ATP10A: variants seen among roughly 807,000 people sequenced by gnomAD.
ATP10A encodes phospholipid-transporting ATPase VA.
ATP10A carries 111 observed loss-of-function variants against 147.8 expected under a neutral mutation model. The ratio of observed to expected loss-of-function variants is 0.75; its 90% CI spans 0.64 to 0.88. The LOEUF (loss-of-function observed/expected upper bound fraction) is 0.88, where lower values mean the gene tolerates loss of function less well. Among genes scored for constraint, ATP10A ranks in the 40% least tolerant of loss-of-function variants. The pLI, the probability that ATP10A is intolerant of heterozygous loss-of-function variation, is 0.00. For missense variants in ATP10A, 1,927 were observed against 1,959.0 expected (o/e 0.98, Z 0.31); for synonymous variants, 875 against 841.6 (o/e 1.04, Z -0.69).
In ATP10A at chr15:25,708,398, C is replaced by A. The variant is rs544235339; in HGVS notation, c.2345-98G>T. On this transcript the variant is annotated intron_variant, in intron 10 of 20. Transcript: ENST00000555815. ...TTACCCCACGTCTGTTCGTTACTTG[C>A]GAATAGAGCACAAATTTTCATATAG... The A allele has an allele frequency of 2.9e-5, 29 of 998,826 alleles. No individual in the cohort carries two copies. In the African/African-American group the frequency reaches 4.0e-4, roughly 14 times the overall value. The allele number at this position is 998,826 out of a possible 1,614,324, so 61.9% of individuals were successfully genotyped here. A position where few individuals can be genotyped will look rare whatever the true frequency, so the allele number is the denominator to read the frequency against.
downstream of ATP10A, among the ~76,000 whole-genome samples, chr15:25,676,810 C>T (rs1225495309): frequency 6.6e-6 from 1 of 152,028 alleles, no homozygotes; most frequent in Non-Finnish European, 1.5e-5. Flanking sequence ...TATCTTTATA[C>T]TTCACATGCC....
At chr15:25,863,621 G>A (rs549056035), upstream of ATP10A, 12 of 152,606 alleles carry the variant, frequency 7.9e-5, no homozygotes, top group East Asian at 2.1e-3. Context: ...CGCCCTTCCA[G>A]GGGCCAGACC....
chr15:25,835,581 A>T (rs1276146273), intron 1 of ATP10A, among the ~76,000 whole-genome samples: 1 of 152,142 alleles, frequency 6.6e-6, no homozygotes, highest in Non-Finnish European at 1.5e-5. Context: ...AAGGCCGGCC[A>T]TAGGAAACTT....
In ATP10A at chr15:25,716,940, G is replaced by A; in HGVS notation, c.1582-16C>T. 6.5e-7 allele frequency: 1 copy of A among 1,543,666 alleles called. No homozygotes were observed. The highest frequency in any genetic ancestry group is 1.2e-5 in the South Asian group (1 of 80,306). On this transcript the variant is annotated splice_polypyrimidine_tract_variant and intron_variant, in intron 8 of 20. Coordinates refer to ENST00000555815, the MANE Select transcript of ATP10A (RefSeq NM_024490.4). ...TATCCTTCTCCTGGGAGAAAGGGAG[G>A]CTGGCAGTGAGTCCCACCCAGTAGC...
chr15:25,761,368 C>A (rs1888749017), intron 2 of ATP10A, among the ~76,000 whole-genome samples: 1 of 152,232 alleles, frequency 6.6e-6, no homozygotes, highest in Admixed American at 6.5e-5. Context: ...AATTGACTCA[C>A]ACTTACCACA....
At chr15:25,841,079 C>A (rs1056200633) in intron 1 of ATP10A, among the ~76,000 whole-genome samples, 4 of 152,090 alleles carry the variant, frequency 2.6e-5, no homozygotes, top group Admixed American at 2.6e-4. Flanking sequence ...TATTCTCTCT[C>A]GTCTGGAATT....
chr15:25,761,885 T>C (rs1888777028), intron 2 of ATP10A, among the ~76,000 whole-genome samples: 1 of 152,176 alleles, frequency 6.6e-6, no homozygotes, highest in Non-Finnish European at 1.5e-5. Context: ...ATTAAGACTT[T>C]GGGGGACTGT....
intron 1 of ATP10A, among the ~76,000 whole-genome samples, chr15:25,810,828 G>A (rs1891396039): frequency 6.6e-6 from 1 of 152,154 alleles, no homozygotes; most frequent in South Asian, 2.1e-4. Context: ...GGAAGGTGAG[G>A]TGCAGCCAAG....
chr15:25,816,239 G>GTTT (rs5811399), intron 1 of ATP10A, among the ~76,000 whole-genome samples: 4,955 of 150,818 alleles, frequency 0.033, 192 homozygotes, highest in African/African-American at 0.096. Context: ...ATTTTGCTTT[G>GTTT]TTTTTTTTGA....
intron 2 of ATP10A, among the ~76,000 whole-genome samples, chr15:25,774,994 G>C (rs542137647): frequency 1.3e-5 from 2 of 152,114 alleles, no homozygotes; most frequent in Non-Finnish European, 2.9e-5. Context: ...ATGTATAAGA[G>C]AAAAACATGG....
intron 5 of ATP10A, among the ~76,000 whole-genome samples, chr15:25,724,534 C>A (rs1389438245): frequency 1.3e-5 from 2 of 152,202 alleles, no homozygotes; most frequent in Non-Finnish European, 2.9e-5. Context: ...TTTTTCATGT[C>A]CTGTACATCT....
intron 1 of ATP10A, among the ~76,000 whole-genome samples, chr15:25,785,765 TG>T (rs1471196589): frequency 2.0e-5 from 3 of 152,148 alleles, no homozygotes; most frequent in African/African-American, 7.2e-5. Flanking sequence ...AACGGCTGGC[TG>T]GGGAAGTCTG....
At position 25,679,405 on chromosome 15, in the gene ATP10A, C is replaced by G. The variant is rs780784865; in HGVS notation, c.4436G>C (p.Arg1479Pro). 2.5e-6 allele frequency: 4 copies of G among 1,612,004 alleles called. No homozygotes were observed. Among genetic ancestry groups the G allele is most frequent in the Non-Finnish European group, 3.4e-6 (4 of 1,178,232 alleles). The change falls in exon 21 of 21, where the codon CGA becomes CCA. Residue 1479 changes from arginine (R) to proline (P), a missense_variant. Physicochemically the swap from Arg to Pro is moderately radical, Grantham distance 103. Coordinates refer to ENST00000555815, the MANE Select transcript of ATP10A (RefSeq NM_024490.4). ...RGLPVQPHSG[R>P]SGLQGPDHRL... Reference sequence around the variant, plus strand: ...GTGGTCTGGCCCTTGAAGTCCTGATCGGCCTGAGTGGGGCTGGACAGGAAG... The same window carrying G: ...GTGGTCTGGCCCTTGAAGTCCTGATGGGCCTGAGTGGGGCTGGACAGGAAG...
At chr15:25,822,715 A>C (rs1891941175) in intron 1 of ATP10A, among the ~76,000 whole-genome samples, 1 of 152,200 alleles carries the variant, frequency 6.6e-6, no homozygotes, top group African/African-American at 2.4e-5. Flanking sequence ...CTGCTTAGAA[A>C]ATAATTATTA....
At chr15:25,735,356 C>T (rs1253867787) in intron 3 of ATP10A, among the ~76,000 whole-genome samples, 1 of 152,120 alleles carries the variant, frequency 6.6e-6, no homozygotes, top group African/African-American at 2.4e-5. Flanking sequence ...CACACACACA[C>T]ACTCCGATTA....
At chr15:25,834,397 A>G (rs763944230) in intron 1 of ATP10A, among the ~76,000 whole-genome samples, 3 of 152,240 alleles carry the variant, frequency 2.0e-5, no homozygotes, top group Admixed American at 1.3e-4. Flanking sequence ...CACATCAAAC[A>G]TCATGTACTT....
At chr15:25,751,815 A>G (rs552209600) in intron 2 of ATP10A, among the ~76,000 whole-genome samples, 159 of 152,240 alleles carry the variant, frequency 1.0e-3, no homozygotes, top group African/African-American at 3.5e-3. Context: ...AAACCCAATA[A>G]CAAGAAAACA....
At chr15:25,701,759 C>T (rs546438683) in intron 13 of ATP10A, among the ~76,000 whole-genome samples, 157 bp downstream of exon 13, 11 of 152,284 alleles carry the variant, frequency 7.2e-5, no homozygotes, top group African/African-American at 2.6e-4. Flanking sequence ...CAAACTTTAC[C>T]TCTTCCAAGG....
At chr15:25,759,604 G>C (rs564007513) in intron 2 of ATP10A, among the ~76,000 whole-genome samples, 1 of 152,134 alleles carries the variant, frequency 6.6e-6, no homozygotes, top group East Asian at 1.9e-4. Context: ...CCAAGAGTTC[G>C]AGATCAGCCT....
Sources: allele counts gnomAD v4.1 joint callset (sites outside exome capture counted in the v4.1 genomes callset), GRCh38; gene constraint gnomAD v4.1.1; transcripts MANE v1.5; gene names NCBI Gene and HGNC (gene_info 2026-07-23, HGNC 2026-07-21).